Variants in TMEM132C observed in about 807,000 individuals in gnomAD.
The protein encoded by TMEM132C is protein phosphatase 1, regulatory subunit 152.
TMEM132C carries 29 observed loss-of-function variants against 61.4 expected under a neutral mutation model. The ratio of observed to expected loss-of-function variants is 0.47; its 90% CI spans 0.35 to 0.64. The LOEUF (loss-of-function observed/expected upper bound fraction) is 0.64, where lower values mean the gene tolerates loss of function less well. Among genes scored for constraint, TMEM132C ranks in the 30% least tolerant of loss-of-function variants. The probability of loss-of-function intolerance (pLI) is 0.00; values close to 1 mark genes in which losing one functional copy is unlikely to be tolerated. For synonymous variants in TMEM132C, 656 were observed against 633.1 expected (o/e 1.04, Z -0.54); for missense variants, 1,408 against 1,476.9 (o/e 0.95, Z 0.76).
At chr12:128,666,357 T>A (rs1954474714) in intron 4 of TMEM132C, among the ~76,000 whole-genome samples, 1 of 152,148 alleles carries the variant, frequency 6.6e-6, no homozygotes, top group African/African-American at 2.4e-5. Context: ...ACACATTTTT[T>A]TCTCTCTGCC....
chr12:128,352,325 G>A (rs767826112), intron 1 of TMEM132C, among the ~76,000 whole-genome samples: 67 of 152,132 alleles, frequency 4.4e-4, no homozygotes, highest in Non-Finnish European at 7.1e-4. Flanking sequence ...GTTGGGGAAA[G>A]CCCCTCATAA....
intron 1 of TMEM132C, among the ~76,000 whole-genome samples, chr12:128,330,686 A>G (rs1872645656): frequency 6.6e-6 from 1 of 152,204 alleles, no homozygotes; most frequent in East Asian, 1.9e-4. Context: ...TTCATTTTGA[A>G]AATCATCTTC....
intron 1 of TMEM132C, among the ~76,000 whole-genome samples, chr12:128,393,169 A>T (rs1482963212): frequency 2.6e-5 from 4 of 152,236 alleles, no homozygotes; most frequent in African/African-American, 9.6e-5. Flanking sequence ...ATGACGATCC[A>T]CAGTCAACCT....
At chr12:128,431,818 A>G (rs962423913) in intron 2 of TMEM132C, among the ~76,000 whole-genome samples, 7 of 152,092 alleles carry the variant, frequency 4.6e-5, no homozygotes, top group African/African-American at 1.7e-4. Flanking sequence ...TGGCCCCCCA[A>G]AGTGCTTCGA....
intron 2 of TMEM132C, among the ~76,000 whole-genome samples, chr12:128,461,942 G>T (rs1464747511): frequency 2.0e-5 from 3 of 152,124 alleles, no homozygotes; most frequent in Non-Finnish European, 4.4e-5. Context: ...CATTCTAACC[G>T]CAAAAGCTTG....
At chr12:128,384,024 A>G (rs1328267187) in intron 1 of TMEM132C, among the ~76,000 whole-genome samples, 1 of 152,178 alleles carries the variant, frequency 6.6e-6, no homozygotes, top group East Asian at 1.9e-4. Flanking sequence ...CAAAACAAAA[A>G]CAAACAGCTC....
chr12:128,542,653 A>T (rs965614904), intron 2 of TMEM132C, among the ~76,000 whole-genome samples: 1 of 151,928 alleles, frequency 6.6e-6, no homozygotes, highest in Non-Finnish European at 1.5e-5. Context: ...CAAGGTCAGG[A>T]TATTGAGACC....
Position 128,442,601 on chromosome 12 carries a change from G to A in TMEM132C, c.974+26981G>A, listed in dbSNP as rs372839414. On this transcript the variant is annotated intron_variant, in intron 2 of 8. Coordinates refer to ENST00000435159, the MANE Select transcript of TMEM132C (RefSeq NM_001136103.3). ...GTCAGTGTTTTAAAAAAAAAAAAAA[G>A]GTGAGGGACAGAAACAAAAGAACGG... is the stretch of plus-strand genomic sequence containing the variant. Among the ~76,000 whole-genome samples the A allele has an allele frequency of 3.3e-4, 49 of 149,942 alleles. No individual in the cohort carries two copies. In the East Asian group the frequency reaches 8.0e-3, roughly 24 times the overall value.
At chr12:128,622,729 G>A (rs78940263) in intron 4 of TMEM132C, among the ~76,000 whole-genome samples, 70 of 152,220 alleles carry the variant, frequency 4.6e-4, no homozygotes, top group African/African-American at 1.6e-3. Context: ...AGAGGCAGGC[G>A]TGTCGTAGGA....
intron 4 of TMEM132C, among the ~76,000 whole-genome samples, chr12:128,618,473 T>G (rs1876880600): frequency 6.6e-6 from 1 of 152,216 alleles, no homozygotes; most frequent in Non-Finnish European, 1.5e-5. Context: ...CTCTGGGCTC[T>G]GAACACTGGA....
At chr12:128,289,912 T>C (rs573022589) in intron 1 of TMEM132C, among the ~76,000 whole-genome samples, 47 of 152,322 alleles carry the variant, frequency 3.1e-4, no homozygotes, top group African/African-American at 1.1e-3. Flanking sequence ...AATTATCTCA[T>C]ATTTCACATG....
chr12:128,569,922 TAC>T (rs1456420100), intron 3 of TMEM132C, among the ~76,000 whole-genome samples: 2 of 152,216 alleles, frequency 1.3e-5, no homozygotes, highest in Non-Finnish European at 2.9e-5. Flanking sequence ...CAACCTCAGA[TAC>T]ATTGAAGTCT....
chr12:128,396,668 A>G (rs1874969107), intron 1 of TMEM132C, among the ~76,000 whole-genome samples: 1 of 152,110 alleles, frequency 6.6e-6, no homozygotes, highest in Admixed American at 6.5e-5. Context: ...AATCTTCAAA[A>G]TGGTCCCAAG....
intron 3 of TMEM132C, among the ~76,000 whole-genome samples, chr12:128,550,030 T>G (rs1233770427): frequency 2.0e-5 from 3 of 152,226 alleles, no homozygotes; most frequent in South Asian, 2.1e-4. Context: ...CCACCCTGGT[T>G]CCCGTTAAAT....
At chr12:128,521,457 C>T (rs1378045452) in intron 2 of TMEM132C, among the ~76,000 whole-genome samples, 2 of 149,198 alleles carry the variant, frequency 1.3e-5, no homozygotes, top group African/African-American at 5.0e-5. Context: ...AGCCCCCAGC[C>T]CCCCACCCCC....
intron 2 of TMEM132C, among the ~76,000 whole-genome samples, chr12:128,502,692 G>C (rs1465028407): frequency 1.3e-5 from 2 of 152,174 alleles, no homozygotes; most frequent in African/African-American, 4.8e-5. Context: ...CAGCCTCTTG[G>C]TTTGTCTTGA....
At chr12:128,412,833 T>C (rs569975831) in intron 1 of TMEM132C, among the ~76,000 whole-genome samples, 73 of 152,352 alleles carry the variant, frequency 4.8e-4, no homozygotes, top group African/African-American at 1.7e-3. Flanking sequence ...TTCTGCACCA[T>C]GCTTTTTCAC....
chr12:128,585,118 G>A (rs778930313), intron 3 of TMEM132C, among the ~76,000 whole-genome samples: 39 of 152,314 alleles, frequency 2.6e-4, no homozygotes, highest in African/African-American at 6.3e-4. Flanking sequence ...GCCGTGAAAC[G>A]TCTCTACACG....
At chr12:128,410,078 A>G (rs1868480680) in intron 1 of TMEM132C, among the ~76,000 whole-genome samples, 1 of 152,220 alleles carries the variant, frequency 6.6e-6, no homozygotes. Context: ...CAACAAATGA[A>G]TAAATATAAA....
Sources: gnomAD v4.1 joint callset for allele counts (sites outside exome capture counted in the v4.1 genomes callset) on GRCh38, gnomAD v4.1.1 for gene constraint, MANE v1.5 for transcripts, NCBI Gene and HGNC (gene_info 2026-07-23, HGNC 2026-07-21) for gene names.